The following EYS variants were observed in gnomAD, a reference collection of about 807,000 sequenced individuals.
EYS encodes EGF-like photoreceptor maintenance factor.
A neutral mutation model predicts 282.1 loss-of-function variants in EYS; 250 were observed. The observed-to-expected ratio is 0.89, with a 90% CI of 0.80 to 0.98. The LOEUF is 0.98. Among genes scored for constraint, EYS ranks in the 50% least tolerant of loss-of-function variants. The pLI, the probability that EYS is intolerant of heterozygous loss-of-function variation, is 0.00. For missense variants in EYS, 4,016 were observed against 3,709.0 expected, an observed-to-expected ratio of 1.08 and a Z score of -2.15; for synonymous variants, 1,355 against 1,282.9, an observed-to-expected ratio of 1.06 and a Z score of -1.20.
At chr6:64,203,513 C>A (rs945458016) in intron 31 of EYS, among the ~76,000 whole-genome samples, 4 of 152,136 alleles carry the variant, frequency 2.6e-5, no homozygotes, top group African/African-American at 7.2e-5. Flanking sequence ...GTACAGCATC[C>A]ACTAGACTAA....
At chr6:64,800,959 T>C (rs959649199) in intron 22 of EYS, among the ~76,000 whole-genome samples, 6 of 152,072 alleles carry the variant, frequency 3.9e-5, no homozygotes, top group African/African-American at 1.4e-4. Flanking sequence ...AAAGTATTTA[T>C]CAGTGTTCAA....
intron 31 of EYS, among the ~76,000 whole-genome samples, chr6:64,167,306 C>T (rs1028811162): frequency 2.0e-5 from 3 of 152,012 alleles, no homozygotes; most frequent in African/African-American, 7.3e-5. Flanking sequence ...TTTTGAGTCT[C>T]GAGCTATCTT....
intron 31 of EYS, among the ~76,000 whole-genome samples, chr6:64,174,658 T>C (rs190314734): frequency 4.6e-4 from 70 of 151,904 alleles, no homozygotes; most frequent in African/African-American, 1.6e-3. Flanking sequence ...TGTAAAGATA[T>C]TGAAGATAAT....
At chr6:64,679,011 T>A (rs978873671) in intron 22 of EYS, among the ~76,000 whole-genome samples, 4 of 152,102 alleles carry the variant, frequency 2.6e-5, no homozygotes, top group Non-Finnish European at 5.9e-5. Flanking sequence ...TTTGATTTTT[T>A]AAAATGTGTT....
At chr6:64,513,946 A>C (rs1215531112) in intron 26 of EYS, among the ~76,000 whole-genome samples, 1 of 151,870 alleles carries the variant, frequency 6.6e-6, no homozygotes, top group East Asian at 1.9e-4. Flanking sequence ...TGTACTATGG[A>C]AAGAACATTC....
chr6:63,789,156 C>T lies in EYS; in HGVS notation c.7480G>A (p.Gly2494Arg), dbSNP rs1483377268. 2.6e-6 allele frequency: 4 copies of T among 1,551,748 alleles called. No individual in the cohort carries two copies. Among genetic ancestry groups the T allele is most frequent in the Non-Finnish European group, 3.5e-6 (4 of 1,146,950 alleles). The stretch of plus-strand genomic sequence containing the variant: ...CTCCTGATGCTTGCTATGCCAGACC[C>T]CAGGTTATAACTATAAACCACACTG... ...NGSVVYSYNL[G>R]SGIASIRSEP... The change falls in exon 38 of 43, where the codon GGG becomes AGG. Residue 2494 changes from glycine (G) to arginine (R), a missense_variant. By Grantham distance (125) the Gly-to-Arg change is moderately radical (BLOSUM62 -2). Coordinates refer to ENST00000503581, the MANE Select transcript of EYS (RefSeq NM_001142800.2).
intron 22 of EYS, among the ~76,000 whole-genome samples, chr6:64,804,918 T>C (rs2150010567): frequency 6.7e-6 from 1 of 148,218 alleles, no homozygotes; most frequent in East Asian, 2.0e-4. Context: ...AATCTATTTA[T>C]AAGAACTTCT....
intron 29 of EYS, among the ~76,000 whole-genome samples, chr6:64,312,761 C>T (rs550749807): frequency 2.6e-5 from 4 of 152,286 alleles, no homozygotes; most frequent in African/African-American, 9.6e-5. Context: ...GGACCTCCAG[C>T]AAACTCCAGC....
At chr6:64,134,320 G>C (rs1295478564) in intron 31 of EYS, among the ~76,000 whole-genome samples, 2 of 151,912 alleles carry the variant, frequency 1.3e-5, no homozygotes. Flanking sequence ...AAAGCTGGTG[G>C]AATAGATGGA....
At chr6:64,343,219 A>C (rs1334538278) in intron 29 of EYS, among the ~76,000 whole-genome samples, 1 of 152,092 alleles carries the variant, frequency 6.6e-6, no homozygotes, top group Non-Finnish European at 1.5e-5. Flanking sequence ...ATAGACATCT[A>C]CAGAACTCTC....
At chr6:65,123,754 CCACCCACACACA>C (rs1177686047) in intron 12 of EYS, among the ~76,000 whole-genome samples, 1 of 86,912 alleles carries the variant, frequency 1.2e-5, no homozygotes, top group Admixed American at 1.1e-4. Context: ...TAACACCCAC[CCACCCACACACA>C]CACACACACA....
At chr6:64,060,838 AG>A (rs1453498141) in intron 33 of EYS, among the ~76,000 whole-genome samples, 6 of 152,208 alleles carry the variant, frequency 3.9e-5, no homozygotes, top group Admixed American at 3.9e-4. Flanking sequence ...TTTGGGTTTT[AG>A]CAAATACTAA....
At chr6:65,494,632 T>G in intron 4 of EYS, 31 bp downstream of exon 4, 1 of 1,505,426 alleles carries the variant, frequency 6.6e-7, no homozygotes, top group South Asian at 1.2e-5. Flanking sequence ...TTCTCTATTT[T>G]AATAAAATTA....
intron 14 of EYS, among the ~76,000 whole-genome samples, chr6:64,951,053 G>A (rs1314030366): frequency 6.6e-6 from 1 of 151,402 alleles, no homozygotes; most frequent in Non-Finnish European, 1.5e-5. Flanking sequence ...CATTCAGCTT[G>A]GTCAAGGAGA....
intron 15 of EYS, among the ~76,000 whole-genome samples, chr6:64,924,420 C>T (rs1179029052): frequency 1.3e-5 from 2 of 152,146 alleles, no homozygotes; most frequent in African/African-American, 4.8e-5. Context: ...GTGAAGGTCT[C>T]TGGCATGGCC....
In EYS at chr6:63,969,230, G is replaced by A. The variant is rs187525836; in HGVS notation, c.7055+15153C>T. 9.1e-4 allele frequency among the ~76,000 whole-genome samples: 138 copies of A among 152,250 alleles called. 1 individual carries two copies. Among genetic ancestry groups the A allele is most frequent in the African/African-American group, 3.1e-3 (130 of 41,528 alleles). ...CCTTGCAAAATGACTAGCATAGTAG[G>A]CTCTCTTTTGATGTGCTTGTAAAAC... is the stretch of plus-strand genomic sequence containing the variant. On this transcript the variant is annotated intron_variant, in intron 35 of 42. Coordinates refer to ENST00000503581, the MANE Select transcript of EYS (RefSeq NM_001142800.2).
chr6:64,487,459 A>T (rs950769337), intron 26 of EYS, among the ~76,000 whole-genome samples: 1 of 151,130 alleles, frequency 6.6e-6, no homozygotes, highest in African/African-American at 2.4e-5. Flanking sequence ...TTAGTACAGC[A>T]ACAATAAAAT....
chr6:64,950,798 C>CATATACATAT (rs1300549417), intron 14 of EYS, among the ~76,000 whole-genome samples: 1 of 54,236 alleles, frequency 1.8e-5, no homozygotes, highest in Non-Finnish European at 3.3e-5. Context: ...TATACATATA[C>CATATACATAT]ATATATATAT....
At chr6:64,378,533 C>T (rs1488697943) in intron 29 of EYS, among the ~76,000 whole-genome samples, 1 of 151,996 alleles carries the variant, frequency 6.6e-6, no homozygotes, top group African/African-American at 2.4e-5. Context: ...GTTTGATTAG[C>T]ACAGAGTAGA....
Sources: allele counts gnomAD v4.1 joint callset (sites outside exome capture counted in the v4.1 genomes callset), GRCh38; gene constraint gnomAD v4.1.1; transcripts MANE v1.5; gene names NCBI Gene and HGNC (gene_info 2026-07-23, HGNC 2026-07-21).